The following ZNF44 variants were observed in gnomAD, a reference collection of about 807,000 sequenced individuals.
ZNF44 encodes the protein zinc finger protein 44, also known as gonadotropin inducible transcription repressor-2.
ZNF44 carries 9 observed loss-of-function variants against 11.7 expected under a neutral mutation model. The ratio of observed to expected loss-of-function variants is 0.77; its 90% CI spans 0.46 to 1.35. The LOEUF (loss-of-function observed/expected upper bound fraction) is 1.35. Among genes scored for constraint, ZNF44 ranks in the 40% most tolerant of loss-of-function variants. The pLI is 0.00. For synonymous variants in ZNF44, 224 were observed against 242.7 expected (o/e 0.92, Z 0.72); for missense variants, 696 against 743.1 (o/e 0.94, Z 0.74).
In ZNF44 at chr19:12,275,961, C is replaced by G. The variant is rs568117433; in HGVS notation, c.125G>C (p.Cys42Ser). ...AGACATGATGTCATCCATACCTATA[C>G]AGTTCAGGTTCCTAATGGTTTCTCG... ...VMRETIRNLN[C>S]IGMKWENQNI... is the part of the protein sequence containing the mutation. Residue 42 changes from cysteine (C) to serine (S), a missense_variant, in exon 2 of 4, where the codon TGT becomes TCT. Coordinates refer to ENST00000355684, the MANE Select transcript of ZNF44 (RefSeq NM_016264.4). 2 of 1,602,402 alleles carry G rather than the reference C, an allele frequency of 1.2e-6. No individual in the cohort carries two copies. Among genetic ancestry groups the G allele is most frequent in the African/African-American group, 1.3e-5 (1 of 74,656 alleles).
chr19:12,230,790 G>A (rs1015981336), intron 2 of ZNF44, among the ~76,000 whole-genome samples: 1 of 152,196 alleles, frequency 6.6e-6, no homozygotes, highest in Non-Finnish European at 1.5e-5. Flanking sequence ...GCTTCTGGCT[G>A]ATTTCTGTCA....
chr19:12,255,865 C>T (rs540277071), intron 5 of ZNF44, among the ~76,000 whole-genome samples: 17 of 151,928 alleles, frequency 1.1e-4, no homozygotes, highest in South Asian at 2.1e-4. Context: ...GGAGAAACCC[C>T]GTCTCTACTA....
At position 12,284,778 on chromosome 19, in the gene ZNF44, A is replaced by C. The variant is rs2145754959; in HGVS notation, c.4-8696T>G. ...CATCCGCGGGGCCATCATCCTGGCC[A>C]AGCTCTCCACTGTCCTCGTGCGCAG... is the stretch of plus-strand genomic sequence containing the variant. On this transcript the variant is annotated intron_variant, in intron 1 of 3. Coordinates refer to ENST00000355684, the MANE Select transcript of ZNF44 (RefSeq NM_016264.4). 8 of 1,089,392 alleles carry C rather than the reference A, an allele frequency of 7.3e-6. No individual in the cohort carries two copies. The South Asian group carries it at 1.1e-4, about 15-fold the overall frequency. The allele number at this position is 1,089,392 out of a possible 1,614,324, so 67.5% of individuals were successfully genotyped here.
chr19:12,260,431 G>A, intron 5 of ZNF44: 3 of 1,434,602 alleles, frequency 2.1e-6, no homozygotes, highest in South Asian at 1.2e-5. Context: ...AACAAGTACC[G>A]CCCCGACCTG....
Position 12,228,596 on chromosome 19 carries a change from G to C in ZNF44, n.436+1864C>G, listed in dbSNP as rs549609945. On this transcript the variant is annotated intron_variant and non_coding_transcript_variant, in intron 3 of 3. Coordinates refer to the ZNF44 transcript ENST00000597563. ...TTTCATGCCTTTCACAGTCTGACAT[G>C]CCTCAACTTTCTGACTTGTTGTAAA... Among the ~76,000 whole-genome samples the C allele has an allele frequency of 2.6e-5, 4 of 152,212 alleles. No homozygotes were observed. The South Asian group carries it at 8.3e-4, about 32-fold the overall frequency.
rs192149569 is a variant in ZNF44, at chr19:12,235,307, T to G, written n.139-399A>C. ...TGGCGTGAACCTGGGAGGCGGAGCT[T>G]GCAGTGAGCCGAGATCGCGCCACTG... On this transcript the variant is annotated intron_variant and non_coding_transcript_variant, in intron 1 of 3. Transcript: ENST00000597563. 4.4e-4 allele frequency among the ~76,000 whole-genome samples: 67 copies of G among 152,250 alleles called. 1 individual carries two copies. In the East Asian group the frequency reaches 0.013, roughly 29 times the overall value.
At chr19:12,274,102 T>C (rs1967108432) in intron 3 of ZNF44, 39 bp from the exon 4 acceptor site, 2 of 1,510,694 alleles carry the variant, frequency 1.3e-6, no homozygotes, top group Non-Finnish European at 8.9e-7. Flanking sequence ...AGGTTTATTA[T>C]TGAATTTATA....
chr19:12,278,365 T>C (rs1006006350), intron 1 of ZNF44, among the ~76,000 whole-genome samples: 2 of 152,222 alleles, frequency 1.3e-5, no homozygotes, highest in Non-Finnish European at 2.9e-5. Flanking sequence ...ACTCTGTTTG[T>C]GGCTCTCAGC....
chr19:12,281,591 G>A (rs1487617168), intron 1 of ZNF44, among the ~76,000 whole-genome samples: 1 of 152,066 alleles, frequency 6.6e-6, no homozygotes, highest in Non-Finnish European at 1.5e-5. Context: ...TAATGAAATA[G>A]CAATGAAGAA....
At chr19:12,238,879 A>G (rs1056143294), upstream of ZNF44, among the ~76,000 whole-genome samples, 1 of 152,224 alleles carries the variant, frequency 6.6e-6, no homozygotes, top group Non-Finnish European at 1.5e-5. Flanking sequence ...CAGAAAATGA[A>G]TCACGTTCCC....
downstream of ZNF44, among the ~76,000 whole-genome samples, chr19:12,270,902 T>C (rs1966927743): frequency 6.6e-6 from 1 of 152,104 alleles, no homozygotes; most frequent in Non-Finnish European, 1.5e-5. Flanking sequence ...CCAAAGCATA[T>C]TGGAAGCCAT....
chr19:12,247,178 A>T, downstream of ZNF44: 2 of 560,432 alleles, frequency 3.6e-6, no homozygotes, highest in African/African-American at 2.0e-5. Flanking sequence ...GCTTTCCTGT[A>T]TTACTTACAT....
downstream of ZNF44, among the ~76,000 whole-genome samples, chr19:12,268,149 C>G (rs1186267292): frequency 2.3e-5 from 2 of 85,848 alleles, no homozygotes; most frequent in Non-Finnish European, 3.1e-5. Flanking sequence ...CACACAGACA[C>G]ACACACACAC....
At chr19:12,238,374 C>G (rs1365342543), upstream of ZNF44, among the ~76,000 whole-genome samples, 2 of 152,018 alleles carry the variant, frequency 1.3e-5, no homozygotes, top group Non-Finnish European at 2.9e-5. Flanking sequence ...CGCCTGTAAT[C>G]CTAGCACTTT....
intron 5 of ZNF44, among the ~76,000 whole-genome samples, chr19:12,256,534 G>A (rs934911642): frequency 2.0e-5 from 3 of 151,900 alleles, no homozygotes; most frequent in South Asian, 2.1e-4. Flanking sequence ...GAGAGGATGC[G>A]GTCCTCTGCT....
At chr19:12,265,159 C>T (rs189075677) in intron 5 of ZNF44, among the ~76,000 whole-genome samples, 2 of 151,888 alleles carry the variant, frequency 1.3e-5, no homozygotes, top group African/African-American at 4.8e-5. Context: ...TGGCTCATGC[C>T]CGTAATCCCA....
At chr19:12,257,987 A>AACAAAC (rs1917333596) in intron 5 of ZNF44, among the ~76,000 whole-genome samples, 1 of 151,182 alleles carries the variant, frequency 6.6e-6, no homozygotes, top group African/African-American at 2.4e-5. Flanking sequence ...AAAAAACAAA[A>AACAAAC]ACAAACAAAA....
chr19:12,276,855 A>C (rs1296488484), intron 1 of ZNF44, among the ~76,000 whole-genome samples: 1 of 152,184 alleles, frequency 6.6e-6, no homozygotes, highest in African/African-American at 2.4e-5. Flanking sequence ...TGTCCTTATG[A>C]GAAGAGGAAG....
intron 5 of ZNF44, among the ~76,000 whole-genome samples, chr19:12,253,868 A>T (rs1917127528): frequency 6.6e-6 from 1 of 152,016 alleles, no homozygotes; most frequent in Admixed American, 6.6e-5. Context: ...AATCCCAGCT[A>T]CTCGGGAGGC....
Sources: gnomAD v4.1 joint callset for allele counts (sites outside exome capture counted in the v4.1 genomes callset) on GRCh38, gnomAD v4.1.1 for gene constraint, MANE v1.5 for transcripts, NCBI Gene and HGNC (gene_info 2026-07-23, HGNC 2026-07-21) for gene names.